LILRB1: variants seen among roughly 807,000 people sequenced by gnomAD.
LILRB1 encodes leukocyte immunoglobulin like receptor B1, also known as leukocyte immunoglobulin-like receptor subfamily B member 1.
Under a neutral mutation model 74.6 loss-of-function variants are expected in LILRB1, and 59 were observed. That is an observed-to-expected ratio of 0.79 (90% CI 0.64 to 0.98). The LOEUF (loss-of-function observed/expected upper bound fraction) is 0.98. LILRB1 is among the 50% of genes least tolerant of loss of function. The pLI is 0.00. For synonymous variants in LILRB1, 328 were observed against 333.9 expected, an observed-to-expected ratio of 0.98 and a Z score of 0.19; for missense variants, 804 against 822.6, an observed-to-expected ratio of 0.98 and a Z score of 0.28.
chr19:54,618,914 G>T, intron 1 of LILRB1, among the ~76,000 whole-genome samples: 1 of 151,856 alleles, frequency 6.6e-6, no homozygotes, highest in Non-Finnish European at 1.5e-5. Context: ...TAAATGCAAT[G>T]GAATAAATGC....
intron 1 of LILRB1, among the ~76,000 whole-genome samples, chr19:54,624,496 C>T (rs929658461): frequency 9.9e-5 from 15 of 152,096 alleles, no homozygotes; most frequent in African/African-American, 3.4e-4. Context: ...TGTTGTCTGA[C>T]GTGGTAGCTG....
At chr19:54,619,604 C>T (rs1317612027) in intron 1 of LILRB1, among the ~76,000 whole-genome samples, 1 of 152,064 alleles carries the variant, frequency 6.6e-6, no homozygotes, top group Non-Finnish European at 1.5e-5. Flanking sequence ...ATAGCTCTCT[C>T]CTTCACCTTG....
At chr19:54,618,453 T>C (rs10412171) in intron 1 of LILRB1, among the ~76,000 whole-genome samples, 2,663 of 152,372 alleles carry the variant, frequency 0.017, 90 homozygotes, top group African/African-American at 0.06. Context: ...TTTGCACTTA[T>C]TGCACAAGTG....
rs759172826 is a variant in LILRB1 at position 54,635,314 on chromosome 19, G to A, written c.1600+18G>A. On this transcript the variant is annotated intron_variant, in intron 12 of 14. Coordinates refer to ENST00000324602, the MANE Select transcript of LILRB1 (RefSeq NM_001081637.3). ...AAACCTCTGTGAGTGAGAGGAAGAGGTGACCAGCCAGGAGGGAGATGGGGG... is the reference window on the plus strand; with the variant it reads ...AAACCTCTGTGAGTGAGAGGAAGAGATGACCAGCCAGGAGGGAGATGGGGG... 3.7e-6 allele frequency: 6 copies of A among 1,613,110 alleles called. No homozygotes were observed. The highest frequency in any genetic ancestry group is 5.1e-6 in the Non-Finnish European group (6 of 1,179,224).
At position 54,631,442 on chromosome 19, in the gene LILRB1, G is replaced by GA. The variant is rs1186873381; in HGVS notation, c.71-58_71-57insA. 4.2e-4 allele frequency: 673 copies of GA among 1,600,668 alleles called. 3 individuals carry two copies. The African/African-American group carries it at 8.4e-3, about 20-fold the overall frequency. The stretch of plus-strand genomic sequence containing the variant: ...TCTGGAGGGTCCTGGGCTGAGAGCT[G>GA]GAATCTGCTGGGTTGGGTGGGAAAT... On this transcript the variant is annotated intron_variant, in intron 3 of 14. Transcript: ENST00000324602.
chr19:54,632,791 CCAGGCTCCGCA>C, intron 6 of LILRB1, 31 bp downstream of exon 6: 1 of 1,611,156 alleles, frequency 6.2e-7, no homozygotes, highest in South Asian at 1.1e-5. Flanking sequence ...AGTCAGGGAC[CCAGGCTCCGCA>C]CAGGCCCTGC....
At position 54,632,757 on chromosome 19, in the gene LILRB1, G is replaced by T. The variant is rs201552016; in HGVS notation, c.955G>T (p.Ala319Ser). ...CAGCGACCCCCTGGACATCCTGATC[G>T]CAGGTGAGGAGCCCAGCGGGTTCAG... ...APSDPLDILI[A>S]GQFYDRVSLS... is the part of the protein sequence containing the mutation. Residue 319 changes from alanine to serine, a missense_variant, in exon 6 of 15, where the codon GCA (alanine) becomes TCA (serine). By Grantham distance (99) the Ala-to-Ser change is moderately conservative. Transcript: ENST00000324602. 1 of 1,560,602 alleles carries T rather than the reference G, an allele frequency of 6.4e-7. No individual in the cohort carries two copies. Among genetic ancestry groups the T allele is most frequent in the Non-Finnish European group, 8.6e-7 (1 of 1,156,292 alleles).
rs372398219 is a variant in LILRB1 at position 54,633,868 on chromosome 19, G to A, written c.1313-103G>A. On this transcript the variant is annotated intron_variant, in intron 8 of 14. Transcript: ENST00000324602. ...AGGCTGGGCTGGTGAGGGGTGGGGG[G>A]TCAAGGCAGAGAGAAATGTTGGGGC... The A allele has an allele frequency of 0.012, 17,393 of 1,490,562 alleles. 1,384 individuals carry two copies. In the African/African-American group the frequency reaches 0.19, roughly 16 times the overall value. The allele number at this position is 1,490,562 out of a possible 1,614,324, so 92.3% of individuals were successfully genotyped here. A position where few individuals can be genotyped will look rare whatever the true frequency, so the allele number is the denominator to read the frequency against.
At chr19:54,631,243 A>T in intron 2 of LILRB1, 28 bp from the exon 3 acceptor site, 3 of 1,613,930 alleles carry the variant, frequency 1.9e-6, no homozygotes, top group Middle Eastern at 3.4e-4. Flanking sequence ...TTCAGGGGGC[A>T]AATCCCTCAC....
At position 54,637,233 on chromosome 19, in the gene LILRB1, A is replaced by G. The variant is rs1268322495; in HGVS notation, c.*355A>G. Reference sequence around the variant, plus strand: ...GGAAATGAATGATCTTGGCTTTCCTATAAGAAATTTAGGGCAGGGCACGGT... The same window carrying G: ...GGAAATGAATGATCTTGGCTTTCCTGTAAGAAATTTAGGGCAGGGCACGGT... On this transcript the variant is annotated 3_prime_UTR_variant, in exon 15 of 15. Coordinates refer to ENST00000324602, the MANE Select transcript of LILRB1 (RefSeq NM_001081637.3). 3.8e-5 allele frequency: 9 copies of G among 237,186 alleles called. No individual in the cohort carries two copies. In the South Asian group the frequency reaches 5.5e-4, roughly 14 times the overall value. The allele number at this position is 237,186 out of a possible 1,614,324, so 14.7% of individuals were successfully genotyped here. A position where few individuals can be genotyped will look rare whatever the true frequency, so the allele number is the denominator to read the frequency against.
At position 54,637,001 on chromosome 19, in the gene LILRB1, AG is replaced by A; in HGVS notation, c.*127del. 1.7e-6 allele frequency: 2 copies of A among 1,209,242 alleles called. No homozygotes were observed. Among genetic ancestry groups the A allele is most frequent in the South Asian group, 2.9e-5 (2 of 68,684 alleles). The allele number at this position is 1,209,242 out of a possible 1,614,324, so 74.9% of individuals were successfully genotyped here. A position where few individuals can be genotyped will look rare whatever the true frequency, so the allele number is the denominator to read the frequency against. ...ACCCCAGGAGACTCTGGGAACTTTTAGGGGTCACTCAATTCTGCAGTATAAA... is the reference window on the plus strand; with the variant it reads ...ACCCCAGGAGACTCTGGGAACTTTTAGGGTCACTCAATTCTGCAGTATAAA... On this transcript the variant is annotated 3_prime_UTR_variant, in exon 15 of 15. Transcript: ENST00000324602.
chr19:54,637,229 T>C lies in LILRB1; in HGVS notation c.*351T>C, dbSNP rs1319375620. On this transcript the variant is annotated 3_prime_UTR_variant, in exon 15 of 15. Coordinates refer to ENST00000324602, the MANE Select transcript of LILRB1 (RefSeq NM_001081637.3). ...AGTAGGAAATGAATGATCTTGGCTT[T>C]CCTATAAGAAATTTAGGGCAGGGCA... The C allele has an allele frequency of 1.7e-5, 4 of 241,858 alleles. No individual in the cohort carries two copies. Among genetic ancestry groups the C allele is most frequent in the Non-Finnish European group, 3.2e-5 (4 of 124,462 alleles). 15.0% of individuals were successfully genotyped at this position (241,858 alleles called of 1,614,324 possible). A position where few individuals can be genotyped will look rare whatever the true frequency, so the allele number is the denominator to read the frequency against.
rs774642699 is a variant in LILRB1, at chr19:54,633,262, G to C, written c.1205G>C (p.Ser402Thr). ...AGTYRCYGSQ[S>T]SKPYLLTHPS... Reference sequence around the variant, plus strand: ...ACCTACAGGTGCTACGGCTCACAGAGCTCCAAACCCTACCTGCTGACTCAC... The same window carrying C: ...ACCTACAGGTGCTACGGCTCACAGACCTCCAAACCCTACCTGCTGACTCAC... The change falls in exon 7 of 15, where the codon AGC becomes ACC. Residue 402 changes from serine (S) to threonine (T), a missense_variant. Coordinates refer to ENST00000324602, the MANE Select transcript of LILRB1 (RefSeq NM_001081637.3). 2.1e-5 allele frequency: 34 copies of C among 1,613,994 alleles called. No homozygotes were observed. Among genetic ancestry groups the C allele is most frequent in the Admixed American group, 6.7e-5 (4 of 59,996 alleles).
chr19:54,616,983 T>A (rs2063325366), upstream of LILRB1, among the ~76,000 whole-genome samples: 1 of 152,122 alleles, frequency 6.6e-6, no homozygotes, highest in African/African-American at 2.4e-5. Flanking sequence ...CTGGTCACTC[T>A]GCATTTTGGG....
chr19:54,629,050 C>T (rs982006163), upstream of LILRB1, among the ~76,000 whole-genome samples: 2 of 152,220 alleles, frequency 1.3e-5, no homozygotes, highest in African/African-American at 2.4e-5. Flanking sequence ...ATCCTTGCTT[C>T]TCACTCCCAA....
chr19:54,635,813 T>G (rs769847313), intron 13 of LILRB1: 2 of 724,340 alleles, frequency 2.8e-6, no homozygotes, highest in Non-Finnish European at 2.5e-6. Context: ...GTCCCCTTCC[T>G]GCTCCTCATC....
At chr19:54,636,104 G>A (rs1209737923) in intron 13 of LILRB1, 1 of 563,384 alleles carries the variant, frequency 1.8e-6, no homozygotes, top group East Asian at 4.0e-5. Context: ...CAGAGAAAGG[G>A]CAGAGAGTGT....
Position 54,635,588 on chromosome 19 carries a change from T to C in LILRB1, c.1632T>C (p.Asp544=), listed in dbSNP as rs61738502. The C allele has an allele frequency of 2.7e-5, 44 of 1,613,800 alleles. No homozygotes were observed. Among genetic ancestry groups the C allele is most frequent in the East Asian group, 4.5e-5 (2 of 44,894 alleles). Residue 544 remains aspartate (D), a synonymous_variant, in exon 13 of 15, where the codon GAT becomes GAC. Coordinates refer to ENST00000324602, the MANE Select transcript of LILRB1 (RefSeq NM_001081637.3). ...CCGTGAAGCACACACAGCCTGAGGA[T>C]GGGGTGGAGATGGACACTCGGGTGA... The part of the protein sequence containing the change: ...YAAVKHTQPE[D]GVEMDTRQSP...
chr19:54,616,843 T>G (rs1397884658), upstream of LILRB1, among the ~76,000 whole-genome samples: 1 of 151,974 alleles, frequency 6.6e-6, no homozygotes, highest in East Asian at 1.9e-4. Flanking sequence ...AGCCAAAATG[T>G]GGGAAGTGAT....
Sources: gnomAD v4.1 joint callset for allele counts (sites outside exome capture counted in the v4.1 genomes callset) on GRCh38, gnomAD v4.1.1 for gene constraint, MANE v1.5 for transcripts, NCBI Gene and HGNC (gene_info 2026-07-23, HGNC 2026-07-21) for gene names.